Variants in DLGAP2 observed in about 807,000 individuals in gnomAD.
DLGAP2 encodes DLG associated protein 2.
Under a neutral mutation model 100.3 loss-of-function variants are expected in DLGAP2, and 26 were observed. The observed-to-expected ratio is 0.26, with a 90% confidence interval of 0.19 to 0.36. The LOEUF is 0.36. Among genes scored for constraint, DLGAP2 ranks in the 10% least tolerant of loss-of-function variants. The pLI is 1.00. For synonymous variants in DLGAP2, 886 were observed against 630.1 expected (o/e 1.41, Z -6.08); for missense variants, 1,858 against 1,453.2 (o/e 1.28, Z -4.53).
chr8:1,080,002 G>A (rs756515742), intron 2 of DLGAP2, among the ~76,000 whole-genome samples: 1 of 152,186 alleles, frequency 6.6e-6, no homozygotes, highest in Non-Finnish European at 1.5e-5. Flanking sequence ...TTCTAGAGAT[G>A]AGGAAGTGGA....
intron 12 of DLGAP2, among the ~76,000 whole-genome samples, chr8:1,685,497 G>C (rs998065888): frequency 5.3e-5 from 8 of 152,186 alleles, no homozygotes; most frequent in African/African-American, 1.9e-4. Flanking sequence ...TTGTGGATCA[G>C]ACTAAGAGAA....
chr8:897,393 T>C (rs920492717), intron 1 of DLGAP2, among the ~76,000 whole-genome samples: 1 of 152,214 alleles, frequency 6.6e-6, no homozygotes, highest in Admixed American at 6.5e-5. Flanking sequence ...TAGGAAGGCC[T>C]GGGAGGACTT....
chr8:849,800 G>T (rs374925510), intron 1 of DLGAP2, among the ~76,000 whole-genome samples: 1 of 152,076 alleles, frequency 6.6e-6, no homozygotes, highest in East Asian at 1.9e-4. Flanking sequence ...TAGGTTGCCC[G>T]GGCACGGTGG....
At chr8:1,348,014 C>T (rs1378741808) in intron 3 of DLGAP2, among the ~76,000 whole-genome samples, 2 of 151,780 alleles carry the variant, frequency 1.3e-5, no homozygotes, top group East Asian at 1.9e-4. Context: ...AGCTGCATTG[C>T]ACTCATGGTA....
At chr8:1,488,656 A>G (rs1185074470) in intron 3 of DLGAP2, among the ~76,000 whole-genome samples, 3 of 152,236 alleles carry the variant, frequency 2.0e-5, no homozygotes, top group Non-Finnish European at 4.4e-5. Context: ...TTGAGGATGC[A>G]GGTTCTCATC....
intron 3 of DLGAP2, among the ~76,000 whole-genome samples, chr8:1,408,501 C>T (rs1286961369): frequency 6.6e-6 from 1 of 152,222 alleles, no homozygotes; most frequent in Non-Finnish European, 1.5e-5. Context: ...GAGGGACCTT[C>T]TCTGGGCCTT....
At chr8:1,095,697 A>C (rs1293378954) in intron 2 of DLGAP2, among the ~76,000 whole-genome samples, 3 of 152,198 alleles carry the variant, frequency 2.0e-5, no homozygotes, top group Non-Finnish European at 4.4e-5. Context: ...CCCAGGCCAA[A>C]ACAGTCCCGT....
At chr8:761,462 C>T (rs1233177669) in intron 1 of DLGAP2, among the ~76,000 whole-genome samples, 1 of 152,154 alleles carries the variant, frequency 6.6e-6, no homozygotes, top group Non-Finnish European at 1.5e-5. Context: ...AATGGCCGGG[C>T]CTTCTGTAAG....
At chr8:1,668,245 C>A in intron 8 of DLGAP2, 84 bp from the exon 9 acceptor site, 11 of 1,298,332 alleles carry the variant, frequency 8.5e-6, no homozygotes, top group Non-Finnish European at 1.1e-5. Context: ...CCGTCAACCA[C>A]AGGGCATGGG....
At chr8:1,623,340 G>C (rs1203815606) in intron 6 of DLGAP2, among the ~76,000 whole-genome samples, 1 of 151,880 alleles carries the variant, frequency 6.6e-6, no homozygotes, top group African/African-American at 2.4e-5. Context: ...CCTGGCACCA[G>C]TGTGTGAAGA....
chr8:1,287,140 G>GTGTA (rs1300516739), intron 3 of DLGAP2, among the ~76,000 whole-genome samples: 2 of 132,538 alleles, frequency 1.5e-5, no homozygotes, highest in African/African-American at 5.5e-5. Flanking sequence ...GCGTGTGTGT[G>GTGTA]TGTGTGTGTG....
chr8:1,648,599 T>A (rs1460870852), intron 8 of DLGAP2, among the ~76,000 whole-genome samples: 1 of 152,086 alleles, frequency 6.6e-6, no homozygotes, highest in East Asian at 1.9e-4. Context: ...CAGGTCCCCT[T>A]CTGCATGCAG....
intron 3 of DLGAP2, among the ~76,000 whole-genome samples, chr8:1,368,371 A>G (rs936866719): frequency 4.0e-5 from 6 of 151,664 alleles, no homozygotes; most frequent in African/African-American, 1.2e-4. Context: ...GTATGGGTGC[A>G]TGTGCATATG....
chr8:1,235,666 TCTA>T lies in DLGAP2; in HGVS notation c.74-23184_74-23182del, dbSNP rs1798637394. ...GTTCTCTCTCACACAGAGCATCATG[TCTA>T]GTTCTCTCACATGGCGCCATGTCTA... On this transcript the variant is annotated intron_variant, in intron 2 of 14. Coordinates refer to ENST00000637795, the MANE Select transcript of DLGAP2 (RefSeq NM_001346810.2). 2.8e-4 allele frequency among the ~76,000 whole-genome samples: 10 copies of T among 35,344 alleles called. 4 individuals carry two copies. Among genetic ancestry groups the T allele is most frequent in the African/African-American group, 3.3e-4 (2 of 5,996 alleles). The allele number at this position is 35,344 out of a possible 152,430, so 23.2% of individuals were successfully genotyped here.
intron 3 of DLGAP2, among the ~76,000 whole-genome samples, chr8:1,459,941 C>T (rs1483998157): frequency 6.6e-6 from 1 of 152,176 alleles, no homozygotes; most frequent in Non-Finnish European, 1.5e-5. Flanking sequence ...CCACCTCAGC[C>T]TCCCACAGGG....
intron 2 of DLGAP2, among the ~76,000 whole-genome samples, chr8:1,040,348 G>GGTCAGCTCGGTGTGCGTT (rs1802301475): frequency 1.1e-4 from 17 of 148,988 alleles, no homozygotes; most frequent in African/African-American, 4.2e-4. Context: ...CGGTGTGCGT[G>GGTCAGCTCGGTGTGCGTT]GTCGGCTCAG....
chr8:759,079 CCACA>C (rs1820996756), intron 1 of DLGAP2, among the ~76,000 whole-genome samples: 27 of 62,166 alleles, frequency 4.3e-4, no homozygotes, highest in African/African-American at 1.2e-3. Context: ...TCAATACCCC[CCACA>C]GCCTTCCTGT....
chr8:1,000,168 A>G (rs1017397077), intron 2 of DLGAP2, among the ~76,000 whole-genome samples: 7 of 148,920 alleles, frequency 4.7e-5, no homozygotes, highest in African/African-American at 7.5e-5. Context: ...TCTCTAGAGC[A>G]GACAGATCCG....
intron 1 of DLGAP2, among the ~76,000 whole-genome samples, chr8:756,943 T>A (rs1165428538): frequency 6.6e-6 from 1 of 152,210 alleles, no homozygotes; most frequent in Non-Finnish European, 1.5e-5. Flanking sequence ...TTTCTGGCTC[T>A]CGAGTTTTCT....
Sources: allele counts gnomAD v4.1 joint callset (sites outside exome capture counted in the v4.1 genomes callset), GRCh38; gene constraint gnomAD v4.1.1; transcripts MANE v1.5; gene names NCBI Gene and HGNC (gene_info 2026-07-23, HGNC 2026-07-21).